ZCCHC7: variants seen among roughly 807,000 people sequenced by gnomAD.
ZCCHC7 encodes the protein zinc finger CCHC-type containing 7.
ZCCHC7 carries 35 observed loss-of-function variants against 52.0 expected under a neutral mutation model. The ratio of observed to expected loss-of-function variants is 0.67; its 90% CI spans 0.51 to 0.89. The LOEUF (loss-of-function observed/expected upper bound fraction) is 0.89. Ranked by LOEUF, ZCCHC7 falls within the 40% of genes least tolerant of loss-of-function variation. The probability of loss-of-function intolerance (pLI) is 0.00; values close to 1 mark genes in which losing one functional copy is unlikely to be tolerated. For synonymous variants in ZCCHC7, 217 were observed against 221.5 expected (o/e 0.98, Z 0.18); for missense variants, 574 against 649.1 (o/e 0.88, Z 1.26).
At chr9:37,153,216 G>A (rs1386750221) in intron 2 of ZCCHC7, among the ~76,000 whole-genome samples, 2 of 151,932 alleles carry the variant, frequency 1.3e-5, no homozygotes, top group African/African-American at 2.4e-5. Context: ...TTTTGCCCAG[G>A]CTGGAGTGCA....
At chr9:37,306,490 G>A (rs1020604561) in intron 5 of ZCCHC7, among the ~76,000 whole-genome samples, 2 of 147,554 alleles carry the variant, frequency 1.4e-5, no homozygotes, top group African/African-American at 5.0e-5. Context: ...TTTTGAGATG[G>A]AGTCTCGCTC....
intron 6 of ZCCHC7, among the ~76,000 whole-genome samples, chr9:37,341,849 G>A (rs1820659138): frequency 6.6e-6 from 1 of 152,124 alleles, no homozygotes; most frequent in African/African-American, 2.4e-5. Context: ...TTTGTCTGGG[G>A]TATTCAGAGA....
At position 37,222,535 on chromosome 9, in the gene ZCCHC7, A is replaced by G. The variant is rs199634184; in HGVS notation, c.611-79653A>G. ...CTAGATAATTTAAAATTTGCTATTA[A>G]TATTAAATGAAACTATAAAGTACTA... On this transcript the variant is annotated intron_variant, in intron 2 of 8. Transcript: ENST00000336755. 1.6e-4 allele frequency among the ~76,000 whole-genome samples: 24 copies of G among 152,266 alleles called. No individual in the cohort carries two copies. The East Asian group carries it at 4.4e-3, about 28-fold the overall frequency.
At chr9:37,149,291 G>A (rs187606340) in intron 2 of ZCCHC7, among the ~76,000 whole-genome samples, 10 of 152,252 alleles carry the variant, frequency 6.6e-5, no homozygotes, top group Admixed American at 6.5e-4. Flanking sequence ...TGTTTCCAAA[G>A]AAATTTGGGC....
chr9:37,327,519 G>C (rs1830297020), intron 5 of ZCCHC7: 1 of 365,216 alleles, frequency 2.7e-6, no homozygotes, highest in African/African-American at 2.1e-5. Flanking sequence ...CTGAGTTATG[G>C]CTCTTTATCA....
Position 37,191,433 on chromosome 9 carries a change from T to C in ZCCHC7, c.610+64491T>C, listed in dbSNP as rs1415987768. Among the ~76,000 whole-genome samples, 5 of 152,202 alleles carry C rather than the reference T, an allele frequency of 3.3e-5. No individual in the cohort carries two copies. In the South Asian group the frequency reaches 6.2e-4, roughly 19 times the overall value. On this transcript the variant is annotated intron_variant, in intron 2 of 8. Transcript: ENST00000336755. ...ATATTTCTTACCTTTTTGTACTTTT[T>C]GTTTTTTACACTGTATTTCTTTATT... is the stretch of plus-strand genomic sequence containing the variant.
At chr9:37,146,800 G>C (rs1843457146) in intron 2 of ZCCHC7, among the ~76,000 whole-genome samples, 2 of 151,824 alleles carry the variant, frequency 1.3e-5, no homozygotes, top group South Asian at 4.1e-4. Flanking sequence ...GACTTCAGTG[G>C]AAGCTGAAAG....
intron 2 of ZCCHC7, among the ~76,000 whole-genome samples, chr9:37,209,913 T>C (rs79612188): frequency 0.051 from 7,735 of 152,310 alleles, 642 homozygotes; most frequent in African/African-American, 0.17. Flanking sequence ...GATTATTGGT[T>C]TCTCTTTGAA....
At chr9:37,202,041 A>G (rs1207957814) in intron 2 of ZCCHC7, among the ~76,000 whole-genome samples, 1 of 152,218 alleles carries the variant, frequency 6.6e-6, no homozygotes, top group Non-Finnish European at 1.5e-5. Context: ...TTTAGAGTAC[A>G]TTTAGCATAC....
At chr9:37,228,770 A>T (rs2133300040) in intron 2 of ZCCHC7, among the ~76,000 whole-genome samples, 1 of 152,024 alleles carries the variant, frequency 6.6e-6, no homozygotes, top group African/African-American at 2.4e-5. Context: ...CATATAAGAA[A>T]ATATATTTCT....
At chr9:37,174,559 A>G (rs1249656956) in intron 2 of ZCCHC7, among the ~76,000 whole-genome samples, 1 of 152,230 alleles carries the variant, frequency 6.6e-6, no homozygotes, top group African/African-American at 2.4e-5. Flanking sequence ...CAATAAAGGC[A>G]TAGAAAATAG....
intron 5 of ZCCHC7, among the ~76,000 whole-genome samples, chr9:37,313,236 C>A (rs1829670339): frequency 6.6e-6 from 1 of 152,178 alleles, no homozygotes; most frequent in South Asian, 2.1e-4. Context: ...GATTGTCTTA[C>A]AAAATTGTTG....
chr9:37,152,164 T>C (rs919442586), intron 2 of ZCCHC7, among the ~76,000 whole-genome samples: 7 of 152,178 alleles, frequency 4.6e-5, no homozygotes, highest in Non-Finnish European at 1.0e-4. Flanking sequence ...GAAAATTAAA[T>C]AACTTGCTTT....
At chr9:37,322,548 T>A (rs1470217032) in intron 5 of ZCCHC7, among the ~76,000 whole-genome samples, 1 of 151,828 alleles carries the variant, frequency 6.6e-6, no homozygotes, top group East Asian at 1.9e-4. Context: ...ATTTTTGTAT[T>A]CCAGAATTTT....
At chr9:37,123,610 A>G (rs1192609004) in intron 1 of ZCCHC7, among the ~76,000 whole-genome samples, 1 of 152,196 alleles carries the variant, frequency 6.6e-6, no homozygotes, top group African/African-American at 2.4e-5. Context: ...TGGCTGCAAG[A>G]GTAGTACAAA....
intron 2 of ZCCHC7, among the ~76,000 whole-genome samples, chr9:37,223,423 A>T (rs1442024593): frequency 6.6e-6 from 1 of 152,196 alleles, no homozygotes; most frequent in Non-Finnish European, 1.5e-5. Flanking sequence ...GCTCACATAA[A>T]TGAAATATCT....
At chr9:37,351,225 G>A (rs1821358066) in intron 7 of ZCCHC7, among the ~76,000 whole-genome samples, 1 of 152,170 alleles carries the variant, frequency 6.6e-6, no homozygotes, top group Admixed American at 6.5e-5. Context: ...CTCTGCTACT[G>A]ACTCAACCAT....
rs770919756 is a variant in ZCCHC7, at chr9:37,354,726, A to C, written c.1100A>C (p.Glu367Ala). ...GHYGHECPEREVYDPSPVSPF... is the reference protein window; with the variant it reads ...GHYGHECPERAVYDPSPVSPF... ...AATTTATAGGAATGTCCAGAAAGAG[A>C]AGTGTATGACCCGTCTCCAGTATCT... The change falls in exon 8 of 9, where the codon GAA (glutamate) becomes GCA (alanine). Residue 367 changes from glutamate (E) to alanine (A), a missense_variant. Transcript: ENST00000336755. The surrounding 1 kb of genome is among the most constrained non-coding windows in gnomAD (Gnocchi z 4.0). The C allele has an allele frequency of 5.0e-6, 8 of 1,610,818 alleles. No homozygotes were observed.
chr9:37,315,674 C>A (rs1829786171), intron 5 of ZCCHC7, among the ~76,000 whole-genome samples: 1 of 151,254 alleles, frequency 6.6e-6, no homozygotes, highest in Non-Finnish European at 1.5e-5. Flanking sequence ...TCAGTGTTAT[C>A]TAAACTTTTA....
Sources: allele counts gnomAD v4.1 joint callset (sites outside exome capture counted in the v4.1 genomes callset), GRCh38; gene constraint gnomAD v4.1.1; non-coding constraint Gnocchi (gnomAD v3.1); transcripts MANE v1.5; gene names NCBI Gene and HGNC (gene_info 2026-07-23, HGNC 2026-07-21).